Variants in ABCA2 observed in about 807,000 individuals in gnomAD.
The protein encoded by ABCA2 is ATP-binding cassette sub-family A member 2.
Under a neutral mutation model 262.8 loss-of-function variants are expected in ABCA2, and 84 were observed. The observed-to-expected ratio is 0.32, with a 90% CI of 0.27 to 0.38. The LOEUF (loss-of-function observed/expected upper bound fraction) is 0.38. Among genes scored for constraint, ABCA2 ranks in the 10% least tolerant of loss-of-function variants. The probability of loss-of-function intolerance (pLI) is 1.00; values close to 1 mark genes in which losing one functional copy is unlikely to be tolerated. For missense variants in ABCA2, 2,662 were observed against 3,405.9 expected (o/e 0.78, Z 5.44); for synonymous variants, 1,696 against 1,502.9 (o/e 1.13, Z -2.97).
In ABCA2 at chr9:137,011,777, G is replaced by T; in HGVS notation, c.5536-28C>A. The T allele has an allele frequency of 7.3e-7, 1 of 1,361,058 alleles. No homozygotes were observed. The highest frequency in any genetic ancestry group is 1.0e-6 in the Non-Finnish European group (1 of 975,534). 84.3% of individuals were successfully genotyped at this position (1,361,058 alleles called of 1,614,324 possible). A position where few individuals can be genotyped will look rare whatever the true frequency, so the allele number is the denominator to read the frequency against. On this transcript the variant is annotated intron_variant, in intron 35 of 48. Transcript: ENST00000341511. The surrounding 1 kb of genome is among the most constrained non-coding windows in gnomAD (Gnocchi z 8.8). ...GCAGGGGTGGGGGCGGCTGGTGAGA[G>T]ACCCGGGGCAGGGCGGGGATGGGGG...
upstream of ABCA2, chr9:137,028,859 G>A (rs756332139): frequency 7.5e-7 from 1 of 1,325,978 alleles, no homozygotes; most frequent in Non-Finnish European, 1.0e-6. This position sits in a 1 kb window ranked among gnomAD's most constrained non-coding sequence, Gnocchi z 6.9. Context: ...CACGCGGCTC[G>A]TTTTTCTCCC....
chr9:137,014,047 A>G lies in ABCA2; in HGVS notation c.4241-9T>C. Reference sequence around the variant, plus strand: ...GGCCTCTGCCTCCACCTCTGTGCAGAGAGGTAGAGGCTGAGCAGGTGGTTG... The same window carrying G: ...GGCCTCTGCCTCCACCTCTGTGCAGGGAGGTAGAGGCTGAGCAGGTGGTTG... On this transcript the variant is annotated splice_polypyrimidine_tract_variant and intron_variant, in intron 27 of 48. Transcript: ENST00000341511. 6.2e-7 allele frequency: 1 copy of G among 1,609,416 alleles called. No homozygotes were observed. Among genetic ancestry groups the G allele is most frequent in the Non-Finnish European group, 8.5e-7 (1 of 1,179,534 alleles).
chr9:137,017,447 G>T, intron 17 of ABCA2, 55 bp downstream of exon 17: 1 of 1,596,226 alleles, frequency 6.3e-7, no homozygotes, highest in South Asian at 1.1e-5. Flanking sequence ...GATGTGGGGT[G>T]AGCTTGCTGG....
intron 3 of ABCA2, chr9:137,023,551 C>G: frequency 1.3e-6 from 1 of 742,796 alleles, no homozygotes; most frequent in Middle Eastern, 2.3e-4. Context: ...CAGACTCAGC[C>G]CAGAAGCCGA....
intron 2 of ABCA2, 129 bp downstream of exon 2, chr9:137,024,014 C>T (rs572336909): frequency 2.8e-5 from 43 of 1,518,950 alleles, no homozygotes; most frequent in Non-Finnish European, 3.3e-5. Flanking sequence ...CAGGACCACA[C>T]AGGGGAGCAG....
In ABCA2 at chr9:137,022,356, G is replaced by T; in HGVS notation, c.562C>A (p.Pro188Thr). 6.2e-7 allele frequency: 1 copy of T among 1,605,854 alleles called. No homozygotes were observed. Among genetic ancestry groups the T allele is most frequent in the Non-Finnish European group, 8.5e-7 (1 of 1,176,836 alleles). Residue 188 changes from proline to threonine, a missense_variant, in exon 6 of 49, where the codon CCC becomes ACC. Pro to Thr is a conservative substitution (Grantham distance 38, BLOSUM62 -1). Coordinates refer to ENST00000341511, the MANE Select transcript of ABCA2 (RefSeq NM_001606.5). ...GGGAGCTGTCCCTGCCTTACCTCGG[G>T]CGGGTCCACACGGGCGGCCAAGAGT... ...QALLAARVDPPEVYHLLFGPS... is the reference protein window; with the variant it reads ...QALLAARVDPTEVYHLLFGPS...
chr9:137,023,756 G>A, intron 3 of ABCA2, 82 bp downstream of exon 3: 1 of 718,960 alleles, frequency 1.4e-6, no homozygotes. Flanking sequence ...TGCAAGCGGG[G>A]AGGGCGCTCA....
At position 137,009,869 on chromosome 9, in the gene ABCA2, G is replaced by A; in HGVS notation, c.6530C>T (p.Thr2177Ile). 1 of 1,611,956 alleles carries A rather than the reference G, an allele frequency of 6.2e-7. No individual in the cohort carries two copies. Among genetic ancestry groups the A allele is most frequent in the East Asian group, 2.2e-5 (1 of 44,862 alleles). ...GCCAGCCGGCTTGTCTGCGTACTTG[G>A]TCAGCTCCAGCTTCTCCAGAGCCCA... Reference protein sequence around the residue: ...VKWALEKLELTKYADKPAGTY... With the variant: ...VKWALEKLELIKYADKPAGTY... Residue 2177 changes from threonine (T) to isoleucine (I), a missense_variant, in exon 43 of 49, where the codon ACC becomes ATC. Thr to Ile is a moderately conservative substitution (Grantham distance 89, BLOSUM62 -1). Transcript: ENST00000341511.
In ABCA2 at chr9:137,016,043, C is replaced by G. The variant is rs953464622; in HGVS notation, c.3236G>C (p.Arg1079Pro). The change falls in exon 22 of 49, where the codon CGG becomes CCG. Residue 1079 changes from arginine (R) to proline (P), a missense_variant. By Grantham distance (103) the Arg-to-Pro change is moderately radical. Transcript: ENST00000341511. ...CCAGAGGTGTTCCTCCACCGTGAGC[C>G]GGTCAAAGAGCACATTGTGCTGCGG... is the stretch of plus-strand genomic sequence containing the variant. ...MCPQHNVLFD[R>P]LTVEEHLWFY... 6.2e-7 allele frequency: 1 copy of G among 1,612,492 alleles called. No homozygotes were observed. The highest frequency in any genetic ancestry group is 8.5e-7 in the Non-Finnish European group (1 of 1,179,944).
rs1001355504 is a variant in ABCA2 at position 137,015,724 on chromosome 9, G to A, written c.3465C>T (p.Asp1155=). ...CCCAGATGGCGCGGCGCGCGTAGGG[G>A]TCCACGCCCGCCGTGGGCTCGTCCA... is the stretch of plus-strand genomic sequence containing the variant. The part of the protein sequence containing the change: ...IILDEPTAGV[D]PYARRAIWDL... Residue 1155 remains aspartate (D), a synonymous_variant, in exon 23 of 49, where the codon GAC becomes GAT. Transcript: ENST00000341511. 1 of 1,611,678 alleles carries A rather than the reference G, an allele frequency of 6.2e-7. No individual in the cohort carries two copies. The highest frequency in any genetic ancestry group is 8.5e-7 in the Non-Finnish European group (1 of 1,179,558).
intron 28 of ABCA2, 23 bp downstream of exon 28, chr9:137,013,809 C>A (rs1177642330): frequency 1.9e-6 from 3 of 1,582,856 alleles, no homozygotes; most frequent in Non-Finnish European, 1.7e-6. Context: ...AAGCCCAGCA[C>A]CCCTGTCCAG....
Position 137,010,020 on chromosome 9 carries a change from G to A in ABCA2, c.6458C>T (p.Thr2153Met), listed in dbSNP as rs1437397894. 3 of 1,599,618 alleles carry A rather than the reference G, an allele frequency of 1.9e-6. No individual in the cohort carries two copies. Among genetic ancestry groups the A allele is most frequent in the South Asian group, 1.1e-5 (1 of 89,356 alleles). The change falls in exon 42 of 49, where the codon ACG becomes ATG. Residue 2153 changes from threonine (T) to methionine (M), a missense_variant. Thr to Met is a moderately conservative substitution (Grantham distance 81, BLOSUM62 -1). Coordinates refer to ENST00000341511, the MANE Select transcript of ABCA2 (RefSeq NM_001606.5). ...LTAREHLQLY[T>M]RLRGISWKDE... ...CTTCCAGGAGATCCCACGCAGCCGCGTGTACAGCTGCAGGTGCTCCCGGGC... is the reference window on the plus strand; with the variant it reads ...CTTCCAGGAGATCCCACGCAGCCGCATGTACAGCTGCAGGTGCTCCCGGGC...
chr9:137,025,983 C>T (rs998755866), intron 1 of ABCA2, among the ~76,000 whole-genome samples: 1 of 152,214 alleles, frequency 6.6e-6, no homozygotes, highest in African/African-American at 2.4e-5. Context: ...GCCTTCACAT[C>T]GCCTGGAGGC....
At chr9:137,028,383 C>A (rs1372634723), upstream of ABCA2, 4 of 629,698 alleles carry the variant, frequency 6.4e-6, no homozygotes, top group Non-Finnish European at 7.9e-6. The surrounding 1 kb of genome is among the most constrained non-coding windows in gnomAD (Gnocchi z 6.9). Context: ...CGCCCGCCGC[C>A]CGCGCCGCGC....
rs1404705070 is a variant in ABCA2 at position 137,010,223 on chromosome 9, G to A, written c.6323C>T (p.Thr2108Met). ...TCCATTGACGAAGGCCTCGCCCCCC[G>A]TCGTGCTCTCGTCGCCGGTCAGCAT... ...FKMLTGDEST[T>M]GGEAFVNGHS... Residue 2108 changes from threonine to methionine, a missense_variant, in exon 41 of 49, where the codon ACG becomes ATG. Thr to Met is a moderately conservative substitution (Grantham distance 81). Around this residue, in one of 12 missense-constraint regions of ABCA2, gnomAD observed 602 missense variants for 897.4 expected, o/e 0.67. Coordinates refer to ENST00000341511, the MANE Select transcript of ABCA2 (RefSeq NM_001606.5). 8.1e-6 allele frequency: 13 copies of A among 1,605,062 alleles called. No individual in the cohort carries two copies. Among genetic ancestry groups the A allele is most frequent in the Middle Eastern group, 1.7e-4 (1 of 6,054 alleles).
intron 45 of ABCA2, 72 bp from the exon 46 acceptor site, chr9:137,009,125 C>G: frequency 6.8e-7 from 1 of 1,464,928 alleles, no homozygotes; most frequent in African/African-American, 1.4e-5. Flanking sequence ...GCCTCCCAGC[C>G]CTACAGCCCC....
chr9:137,010,597 C>T, intron 40 of ABCA2, 23 bp downstream of exon 40: 1 of 1,506,090 alleles, frequency 6.6e-7, no homozygotes, highest in Non-Finnish European at 9.2e-7. Context: ...ACCCAGGCCC[C>T]ACCCTACATG....
rs1190012446 is a variant in ABCA2 at position 137,024,051 on chromosome 9, C to A, written c.160+92G>T. 4 of 1,516,084 alleles carry A rather than the reference C, an allele frequency of 2.6e-6. No homozygotes were observed. The African/African-American group carries it at 5.5e-5, about 21-fold the overall frequency. 93.9% of individuals were successfully genotyped at this position (1,516,084 alleles called of 1,614,324 possible). Reference sequence around the variant, plus strand: ...CACCGCACCTCAGGGACTCCGGGAGCAGGACACCCGTGTGCAGATGTGCAC... The same window carrying A: ...CACCGCACCTCAGGGACTCCGGGAGAAGGACACCCGTGTGCAGATGTGCAC... On this transcript the variant is annotated intron_variant, in intron 2 of 48. Transcript: ENST00000341511.
intron 3 of ABCA2, 192 bp downstream of exon 3, chr9:137,023,646 G>A (rs776437935): frequency 1.4e-4 from 95 of 686,974 alleles, no homozygotes; most frequent in East Asian, 5.9e-4. Context: ...TTAGGTGGCC[G>A]GGCCTTTCAC....
Sources: allele counts gnomAD v4.1 joint callset (sites outside exome capture counted in the v4.1 genomes callset), GRCh38; gene constraint gnomAD v4.1.1; regional missense constraint gnomAD v4.1.1; non-coding constraint Gnocchi (gnomAD v3.1); transcripts MANE v1.5; gene names NCBI Gene and HGNC (gene_info 2026-07-23, HGNC 2026-07-21).